Variants in CPQ observed in about 807,000 individuals in gnomAD.
CPQ encodes Ser-Met dipeptidase.
CPQ carries 37 observed loss-of-function variants against 45.7 expected under a neutral mutation model. The ratio of observed to expected loss-of-function variants is 0.81; its 90% CI spans 0.62 to 1.07. The LOEUF (loss-of-function observed/expected upper bound fraction) is 1.07. Among genes scored for constraint, CPQ ranks in the 50% least tolerant of loss-of-function variants. CPQ has a pLI of 0.00. For missense variants in CPQ, 537 were observed against 572.9 expected, an observed-to-expected ratio of 0.94 and a Z score of 0.64; for synonymous variants, 186 against 205.8, an observed-to-expected ratio of 0.90 and a Z score of 0.82.
At chr8:97,058,005 G>A (rs1378148992) in intron 6 of CPQ, among the ~76,000 whole-genome samples, 2 of 152,150 alleles carry the variant, frequency 1.3e-5, no homozygotes, top group African/African-American at 2.4e-5. Context: ...AAGAAGGAAA[G>A]GCCCGCCTAA....
intron 3 of CPQ, among the ~76,000 whole-genome samples, chr8:96,836,703 G>T (rs1389414891): frequency 8.5e-5 from 13 of 152,048 alleles, no homozygotes; most frequent in Admixed American, 8.5e-4. Flanking sequence ...CTGGGTGATT[G>T]CCAGAAACCT....
intron 3 of CPQ, among the ~76,000 whole-genome samples, chr8:96,858,983 T>G (rs1439057756): frequency 6.6e-6 from 1 of 152,200 alleles, no homozygotes; most frequent in Non-Finnish European, 1.5e-5. Context: ...ACTACTTCAT[T>G]GTTTTTATTC....
chr8:96,966,582 C>T (rs957965884), intron 5 of CPQ, among the ~76,000 whole-genome samples: 8 of 152,190 alleles, frequency 5.3e-5, no homozygotes, highest in Non-Finnish European at 1.2e-4. Context: ...CCTCTTCCCA[C>T]TAGAAGCCAG....
intron 4 of CPQ, among the ~76,000 whole-genome samples, chr8:96,914,124 T>C (rs28610125): frequency 0.026 from 4,006 of 152,290 alleles, 166 homozygotes; most frequent in African/African-American, 0.091. Context: ...AAAACATTTA[T>C]TGAGTACTTT....
At chr8:97,114,947 C>T (rs1241927447) in intron 7 of CPQ, among the ~76,000 whole-genome samples, 3 of 152,166 alleles carry the variant, frequency 2.0e-5, no homozygotes, top group African/African-American at 7.2e-5. Context: ...TACAGCATTT[C>T]CATTTTGAAA....
chr8:96,865,066 G>A (rs1811978353), intron 3 of CPQ, among the ~76,000 whole-genome samples: 1 of 151,932 alleles, frequency 6.6e-6, no homozygotes, highest in Non-Finnish European at 1.5e-5. Context: ...AATGTTAGGT[G>A]TTATTACTGA....
At position 97,127,598 on chromosome 8, in the gene CPQ, G is replaced by A. The variant is rs1295844244; in HGVS notation, c.1256-15422G>A. 3.9e-5 allele frequency among the ~76,000 whole-genome samples: 6 copies of A among 152,004 alleles called. 1 individual carries two copies. Among genetic ancestry groups the A allele is most frequent in the Admixed American group, 3.9e-4 (6 of 15,240 alleles). On this transcript the variant is annotated intron_variant, in intron 7 of 7. Coordinates refer to ENST00000220763, the MANE Select transcript of CPQ (RefSeq NM_016134.4). ...CAGCTACTCAGGAGGCTGAGGCACG[G>A]GAATTACTTGAACCTGGGAAGTGAA... is the stretch of plus-strand genomic sequence containing the variant.
intron 1 of CPQ, among the ~76,000 whole-genome samples, chr8:96,765,904 A>C (rs1001328523): frequency 4.6e-5 from 7 of 152,200 alleles, no homozygotes; most frequent in Non-Finnish European, 1.0e-4. Context: ...ATGGAGACTG[A>C]GAAATAAACA....
At chr8:96,876,409 T>A (rs1167719485) in intron 3 of CPQ, among the ~76,000 whole-genome samples, 5 of 152,126 alleles carry the variant, frequency 3.3e-5, no homozygotes, top group African/African-American at 1.2e-4. Flanking sequence ...TTTTCCAATA[T>A]GGAATTTAAA....
chr8:97,127,646 G>A lies in CPQ; in HGVS notation c.1256-15374G>A, dbSNP rs112433309. ...GAAGGCTGCAGTAAGCCGAGATTTCGCCACTGCACTCCAGCGTGGGTGACA... is the reference window on the plus strand; with the variant it reads ...GAAGGCTGCAGTAAGCCGAGATTTCACCACTGCACTCCAGCGTGGGTGACA... On this transcript the variant is annotated intron_variant, in intron 7 of 7. Transcript: ENST00000220763. Among the ~76,000 whole-genome samples, 862 of 152,120 alleles carry A rather than the reference G, an allele frequency of 5.7e-3. 10 individuals carry two copies. The highest frequency in any genetic ancestry group is 6.3e-3 in the Non-Finnish European group (425 of 68,000).
intron 4 of CPQ, among the ~76,000 whole-genome samples, chr8:96,926,483 C>T (rs866839547): frequency 2.6e-5 from 4 of 152,066 alleles, no homozygotes; most frequent in South Asian, 2.1e-4. Flanking sequence ...CATTGAAAAG[C>T]GATGTACAAA....
intron 1 of CPQ, among the ~76,000 whole-genome samples, chr8:96,707,614 A>G (rs1809549609): frequency 6.6e-6 from 1 of 152,072 alleles, no homozygotes; most frequent in Admixed American, 6.6e-5. Context: ...TACTGGTATT[A>G]CAAAAAAATT....
chr8:97,042,933 G>A (rs1389215779), intron 6 of CPQ, among the ~76,000 whole-genome samples: 1 of 152,056 alleles, frequency 6.6e-6, no homozygotes, highest in Admixed American at 6.6e-5. Context: ...GAATCGGTGT[G>A]GTGTGGTGCT....
At chr8:96,829,909 G>C (rs977922351) in intron 2 of CPQ, among the ~76,000 whole-genome samples, 3 of 152,120 alleles carry the variant, frequency 2.0e-5, no homozygotes, top group Non-Finnish European at 4.4e-5. Flanking sequence ...TTTTGGCCCA[G>C]TAGGAAGGCT....
intron 7 of CPQ, among the ~76,000 whole-genome samples, chr8:97,136,331 A>G (rs761328068): frequency 2.0e-5 from 3 of 152,202 alleles, no homozygotes; most frequent in Non-Finnish European, 4.4e-5. Flanking sequence ...ATTAAATTGG[A>G]ATTTAAATCT....
chr8:96,785,184 A>C lies in CPQ; in HGVS notation c.287A>C (p.Gln96Pro). Residue 96 changes from glutamine (Q) to proline (P), a missense_variant, in exon 2 of 8, where the codon CAG (glutamine) becomes CCG (proline). Transcript: ENST00000220763. ...KAIQIMYQNL[Q>P]QDGLEKVHLE... ...ATCCAAATTATGTACCAAAACCTGC[A>C]GCAAGATGGGCTGGAGAAAGTTCAC... The C allele has an allele frequency of 6.2e-7, 1 of 1,613,684 alleles. No homozygotes were observed. The highest frequency in any genetic ancestry group is 8.5e-7 in the Non-Finnish European group (1 of 1,179,792).
At chr8:96,914,322 C>T (rs2130906597) in intron 4 of CPQ, among the ~76,000 whole-genome samples, 1 of 152,214 alleles carries the variant, frequency 6.6e-6, no homozygotes. Flanking sequence ...GCCTCCATCA[C>T]AGAGCAGTTT....
At chr8:97,133,837 C>A (rs1812001847) in intron 7 of CPQ, among the ~76,000 whole-genome samples, 1 of 152,130 alleles carries the variant, frequency 6.6e-6, no homozygotes, top group Non-Finnish European at 1.5e-5. Flanking sequence ...AATAAATAAT[C>A]TTTGGGTGGA....
intron 1 of CPQ, among the ~76,000 whole-genome samples, chr8:96,747,353 A>G (rs539963410): frequency 1.3e-5 from 2 of 151,794 alleles, no homozygotes; most frequent in Non-Finnish European, 2.9e-5. Flanking sequence ...AGGGCTGACC[A>G]ATGCATAGAG....
Sources: gnomAD v4.1 joint callset for allele counts (sites outside exome capture counted in the v4.1 genomes callset) on GRCh38, gnomAD v4.1.1 for gene constraint, MANE v1.5 for transcripts, NCBI Gene and HGNC (gene_info 2026-07-23, HGNC 2026-07-21) for gene names.